Variants in F13A1 observed in about 807,000 individuals in gnomAD.
F13A1 encodes the protein coagulation factor XIII A chain, also known as FSF, A subunit.
A neutral mutation model predicts 80.1 loss-of-function variants in F13A1; 47 were observed. That is an observed-to-expected ratio of 0.59 (90% CI 0.46 to 0.75). The LOEUF (loss-of-function observed/expected upper bound fraction) is 0.75. F13A1 is among the 30% of genes least tolerant of loss of function. The pLI, the probability that F13A1 is intolerant of heterozygous loss-of-function variation, is 0.00. For synonymous variants in F13A1, 349 were observed against 344.9 expected, an observed-to-expected ratio of 1.01 and a Z score of -0.13; for missense variants, 817 against 930.4, an observed-to-expected ratio of 0.88 and a Z score of 1.59.
intron 13 of F13A1, among the ~76,000 whole-genome samples, chr6:6,159,830 T>C (rs1037787253): frequency 5.3e-5 from 8 of 152,142 alleles, no homozygotes; most frequent in African/African-American, 1.9e-4. Context: ...CCATGTACAC[T>C]GTCTTTGCAA....
intron 1 of F13A1, 113 bp from the exon 2 acceptor site, chr6:6,318,795 A>G: frequency 8.6e-7 from 1 of 1,157,994 alleles, no homozygotes; most frequent in Non-Finnish European, 1.2e-6. Context: ...ATAGCACTTG[A>G]GCAACACATT....
intron 4 of F13A1, among the ~76,000 whole-genome samples, chr6:6,265,422 T>C (rs1449732640): frequency 1.3e-5 from 2 of 152,184 alleles, no homozygotes; most frequent in Non-Finnish European, 2.9e-5. Context: ...AACATCTGCA[T>C]CTGCCTCTGG....
At chr6:6,229,308 A>C (rs919904324) in intron 6 of F13A1, among the ~76,000 whole-genome samples, 1 of 152,200 alleles carries the variant, frequency 6.6e-6, no homozygotes, top group East Asian at 1.9e-4. Flanking sequence ...ACAACCTTTT[A>C]GGAGATCACA....
intron 6 of F13A1, among the ~76,000 whole-genome samples, chr6:6,239,613 G>A (rs1757459381): frequency 6.6e-6 from 1 of 151,934 alleles, no homozygotes; most frequent in Non-Finnish European, 1.5e-5. Context: ...ATGACCACAG[G>A]AAATTATTAA....
chr6:6,177,841 CCT>C (rs1277057660), intron 11 of F13A1, among the ~76,000 whole-genome samples: 1 of 152,120 alleles, frequency 6.6e-6, no homozygotes, highest in African/African-American at 2.4e-5. Flanking sequence ...GCATGGGAGG[CCT>C]CTCGGAGTTT....
chr6:6,199,351 G>A (rs62408019), intron 8 of F13A1, among the ~76,000 whole-genome samples: 13 of 152,194 alleles, frequency 8.5e-5, no homozygotes, highest in African/African-American at 2.4e-4. Context: ...TTAGCTGGGC[G>A]TGGTGGCGGG....
intron 8 of F13A1, among the ~76,000 whole-genome samples, chr6:6,210,071 A>T (rs1198101222): frequency 1.3e-5 from 2 of 151,498 alleles, no homozygotes; most frequent in African/African-American, 4.9e-5. Context: ...ACAAAAAAAA[A>T]AAATTAAAAA....
intron 8 of F13A1, among the ~76,000 whole-genome samples, chr6:6,212,724 T>C (rs954174594): frequency 5.9e-5 from 9 of 152,090 alleles, no homozygotes; most frequent in African/African-American, 2.2e-4. Context: ...GACAATCAAA[T>C]TGCTCCGAGC....
chr6:6,175,744 T>A (rs1760872503), intron 11 of F13A1, among the ~76,000 whole-genome samples: 1 of 152,198 alleles, frequency 6.6e-6, no homozygotes, highest in South Asian at 2.1e-4. Context: ...TGACAGGCGG[T>A]GGTGCACCTA....
chr6:6,249,175 C>T (rs1583093559), intron 5 of F13A1, among the ~76,000 whole-genome samples: 1 of 152,204 alleles, frequency 6.6e-6, no homozygotes, highest in African/African-American at 2.4e-5. Flanking sequence ...AATAGAGAAA[C>T]CTTGTGTGCT....
chr6:6,315,850 A>T (rs1758672650), intron 2 of F13A1, among the ~76,000 whole-genome samples: 1 of 151,800 alleles, frequency 6.6e-6, no homozygotes, highest in Non-Finnish European at 1.5e-5. Flanking sequence ...CTTAGAGGCC[A>T]CTAGTGGCCA....
chr6:6,281,045 A>T (rs1029262453), intron 3 of F13A1, among the ~76,000 whole-genome samples: 1 of 152,200 alleles, frequency 6.6e-6, no homozygotes, highest in African/African-American at 2.4e-5. Context: ...GTCATTGAAC[A>T]TCGCATGGCT....
chr6:6,229,698 A>G (rs1404644587), intron 6 of F13A1, among the ~76,000 whole-genome samples: 1 of 152,190 alleles, frequency 6.6e-6, no homozygotes, highest in Non-Finnish European at 1.5e-5. Flanking sequence ...AGCAATCCTG[A>G]GAGGACCACA....
At chr6:6,212,011 C>G (rs9504709) in intron 8 of F13A1, among the ~76,000 whole-genome samples, 2 of 152,372 alleles carry the variant, frequency 1.3e-5, no homozygotes, top group East Asian at 3.9e-4. Flanking sequence ...TATCCCGCAC[C>G]TGGCTCGGAG....
intron 9 of F13A1, among the ~76,000 whole-genome samples, chr6:6,196,541 A>AGTATGAATATCC (rs1447281101): frequency 6.6e-6 from 1 of 152,230 alleles, no homozygotes; most frequent in Non-Finnish European, 1.5e-5. Context: ...ATATGGTTTC[A>AGTATGAATATCC]GTATGAATAT....
At chr6:6,188,084 T>C (rs1206219013) in intron 10 of F13A1, among the ~76,000 whole-genome samples, 1 of 152,158 alleles carries the variant, frequency 6.6e-6, no homozygotes, top group Non-Finnish European at 1.5e-5. Context: ...CTTTATCATT[T>C]TTTATTGTGT....
intron 4 of F13A1, 151 bp downstream of exon 4, chr6:6,266,407 T>G: frequency 8.4e-7 from 1 of 1,196,202 alleles, no homozygotes; most frequent in Non-Finnish European, 1.2e-6. Flanking sequence ...AATTTTTAAT[T>G]TTTATTTTTT....
intron 13 of F13A1, among the ~76,000 whole-genome samples, chr6:6,156,007 A>C (rs974887939): frequency 6.6e-6 from 1 of 152,238 alleles, no homozygotes; most frequent in African/African-American, 2.4e-5. Context: ...TAGTTCAAGA[A>C]GAAACTTTTA....
At chr6:6,192,277 A>G (rs1583064664) in intron 10 of F13A1, among the ~76,000 whole-genome samples, 1 of 152,050 alleles carries the variant, frequency 6.6e-6, no homozygotes, top group East Asian at 1.9e-4. Flanking sequence ...TGATGTTTGT[A>G]TTTACATTTA....
Sources: gnomAD v4.1 joint callset for allele counts (sites outside exome capture counted in the v4.1 genomes callset) on GRCh38, gnomAD v4.1.1 for gene constraint, MANE v1.5 for transcripts, NCBI Gene and HGNC (gene_info 2026-07-23, HGNC 2026-07-21) for gene names.